SYN3: variants seen among roughly 807,000 people sequenced by gnomAD.
The protein encoded by SYN3 is synapsin III, also known as synapsin-3.
SYN3 carries 35 observed loss-of-function variants against 65.8 expected under a neutral mutation model. The observed-to-expected ratio is 0.53, with a 90% confidence interval of 0.41 to 0.70. The LOEUF is 0.70. Among genes scored for constraint, SYN3 ranks in the 30% least tolerant of loss-of-function variants. The probability of loss-of-function intolerance (pLI) is 0.00; values close to 1 mark genes in which losing one functional copy is unlikely to be tolerated. For missense variants in SYN3, 680 were observed against 749.0 expected (o/e 0.91, Z 1.08); for synonymous variants, 270 against 292.9 (o/e 0.92, Z 0.80).
chr22:32,555,907 A>G (rs902767705), intron 7 of SYN3, among the ~76,000 whole-genome samples: 1 of 152,180 alleles, frequency 6.6e-6, no homozygotes, highest in Non-Finnish European at 1.5e-5. Flanking sequence ...ACCAGCCTGC[A>G]TGTCCCAGAC....
chr22:32,796,933 C>T (rs1250431252), intron 6 of SYN3, among the ~76,000 whole-genome samples: 2 of 152,178 alleles, frequency 1.3e-5, no homozygotes, highest in Admixed American at 6.5e-5. Context: ...AGCATCTCCC[C>T]CTTTGGTTGA....
intron 4 of SYN3, among the ~76,000 whole-genome samples, chr22:32,919,097 G>A (rs1266082375): frequency 6.6e-6 from 1 of 152,168 alleles, no homozygotes; most frequent in Non-Finnish European, 1.5e-5. Flanking sequence ...GCCAAGCCAA[G>A]GAAGTCTCTG....
chr22:32,934,057 G>A (rs1325843069), intron 3 of SYN3, among the ~76,000 whole-genome samples: 1 of 152,168 alleles, frequency 6.6e-6, no homozygotes, highest in African/African-American at 2.4e-5. Flanking sequence ...GTCCAGGTTA[G>A]TAAATAGTGG....
intron 6 of SYN3, among the ~76,000 whole-genome samples, chr22:32,645,884 C>T (rs1238210906): frequency 9.0e-6 from 1 of 110,628 alleles, no homozygotes; most frequent in South Asian, 3.1e-4. Flanking sequence ...GGTAAATCCA[C>T]AAAAGGGGAT....
chr22:32,675,571 AGC>A (rs2060428723), intron 6 of SYN3, among the ~76,000 whole-genome samples: 2 of 152,134 alleles, frequency 1.3e-5, no homozygotes, highest in South Asian at 4.1e-4. Context: ...ACCCCACCCC[AGC>A]CCCAGAGTAA....
At chr22:32,596,961 A>G (rs2059209188) in intron 6 of SYN3, among the ~76,000 whole-genome samples, 1 of 152,196 alleles carries the variant, frequency 6.6e-6, no homozygotes, top group Non-Finnish European at 1.5e-5. Flanking sequence ...TGTCTGGGGC[A>G]CCCATCAATC....
chr22:32,654,533 G>A (rs7287872), intron 6 of SYN3, among the ~76,000 whole-genome samples: 6,573 of 152,094 alleles, frequency 0.043, 314 homozygotes, highest in African/African-American at 0.12. Context: ...CCCTGCCTAC[G>A]TGGCTCAGAG....
intron 6 of SYN3, among the ~76,000 whole-genome samples, chr22:32,722,087 C>T (rs1230449415): frequency 1.3e-5 from 2 of 151,964 alleles, no homozygotes; most frequent in African/African-American, 2.4e-5. Context: ...CCAGACGGTT[C>T]AATGCATCTC....
intron 6 of SYN3, among the ~76,000 whole-genome samples, chr22:32,851,640 G>GA (rs1280739045): frequency 6.6e-6 from 1 of 152,122 alleles, no homozygotes; most frequent in Non-Finnish European, 1.5e-5. Flanking sequence ...GCGCAAAGGG[G>GA]AAATGACTTA....
intron 3 of SYN3, among the ~76,000 whole-genome samples, chr22:32,965,523 GT>G (rs1278780462): frequency 1.3e-5 from 2 of 150,784 alleles, no homozygotes; most frequent in Non-Finnish European, 2.9e-5. Flanking sequence ...GCTTCTAACA[GT>G]TTGTAATTAT....
At position 33,000,364 on chromosome 22, in the gene SYN3, T is replaced by C. The variant is rs184214491; in HGVS notation, c.311+5988A>G. 3.0e-3 allele frequency among the ~76,000 whole-genome samples: 453 copies of C among 151,850 alleles called. 3 individuals carry two copies. Among genetic ancestry groups the C allele is most frequent in the African/African-American group, 0.011 (439 of 41,392 alleles). ...GTATCTTTAAATGCCTGGCCATGAG[T>C]TCTCCCAGCAAAGACGGCTTTGAGA... On this transcript the variant is annotated intron_variant, in intron 2 of 13. Coordinates refer to ENST00000358763, the MANE Select transcript of SYN3 (RefSeq NM_003490.4).
chr22:32,894,518 C>T (rs966717691), intron 4 of SYN3, among the ~76,000 whole-genome samples: 8 of 152,198 alleles, frequency 5.3e-5, no homozygotes, highest in African/African-American at 1.9e-4. Context: ...CTGCTAAGGA[C>T]TTCTGGCAAA....
chr22:32,928,214 C>A (rs2050529911), intron 4 of SYN3, among the ~76,000 whole-genome samples: 1 of 152,010 alleles, frequency 6.6e-6, no homozygotes, highest in Non-Finnish European at 1.5e-5. Flanking sequence ...CCTGTAGTCC[C>A]AGCTACTTGG....
intron 6 of SYN3, among the ~76,000 whole-genome samples, chr22:32,712,072 G>A (rs7291198): frequency 2.0e-5 from 3 of 151,956 alleles, no homozygotes; most frequent in African/African-American, 4.8e-5. Context: ...ACAACCTCAC[G>A]AAGATTAAAC....
intron 6 of SYN3, among the ~76,000 whole-genome samples, chr22:32,607,296 C>T (rs1159979802): frequency 2.0e-5 from 3 of 152,184 alleles, no homozygotes; most frequent in Admixed American, 6.5e-5. Flanking sequence ...CTCCTGATCC[C>T]GGCCGCCAGG....
intron 6 of SYN3, among the ~76,000 whole-genome samples, chr22:32,768,276 T>C (rs1025237084): frequency 6.6e-6 from 1 of 152,206 alleles, no homozygotes; most frequent in African/African-American, 2.4e-5. Flanking sequence ...ATACTCCTTT[T>C]CTTTCAACTG....
chr22:32,587,283 C>T (rs947000613), intron 7 of SYN3, among the ~76,000 whole-genome samples: 2 of 143,408 alleles, frequency 1.4e-5, no homozygotes, highest in East Asian at 4.1e-4. Flanking sequence ...CAGTGGCCAT[C>T]AAAAGGGAGT....
intron 6 of SYN3, among the ~76,000 whole-genome samples, chr22:32,746,929 T>C (rs2044951757): frequency 6.6e-6 from 1 of 152,102 alleles, no homozygotes; most frequent in East Asian, 1.9e-4. Flanking sequence ...TTTAGACAAT[T>C]TGTGCTGTGC....
At chr22:32,564,960 GCACCCAAACAGTGCTCCTGGA>G (rs2058646992) in intron 7 of SYN3, among the ~76,000 whole-genome samples, 1 of 96,174 alleles carries the variant, frequency 1.0e-5, no homozygotes. Context: ...CTCCTGGACT[GCACCCAAACAGTGCTCCTGGA>G]CTGCACCCAA....
Sources: allele counts gnomAD v4.1 joint callset (sites outside exome capture counted in the v4.1 genomes callset), GRCh38; gene constraint gnomAD v4.1.1; transcripts MANE v1.5; gene names NCBI Gene and HGNC (gene_info 2026-07-23, HGNC 2026-07-21).